BCL11B: variants seen among roughly 807,000 people sequenced by gnomAD.
The protein encoded by BCL11B is B-cell lymphoma/leukemia 11B.
BCL11B carries 8 observed loss-of-function variants against 49.9 expected under a neutral mutation model. That is an observed-to-expected ratio of 0.16 (90% CI 0.09 to 0.29). The LOEUF (loss-of-function observed/expected upper bound fraction) is 0.29. BCL11B is among the 10% of genes least tolerant of loss of function. The probability of loss-of-function intolerance (pLI) is 1.00; values close to 1 mark genes in which losing one functional copy is unlikely to be tolerated. For missense variants in BCL11B, 1,006 were observed against 1,351.0 expected, an observed-to-expected ratio of 0.74 and a Z score of 4.00; for synonymous variants, 739 against 637.4, an observed-to-expected ratio of 1.16 and a Z score of -2.40.
At chr14:99,187,646 T>G (rs1400785903) in intron 3 of BCL11B, among the ~76,000 whole-genome samples, 3 of 139,534 alleles carry the variant, frequency 2.2e-5, no homozygotes, top group Non-Finnish European at 4.6e-5. Flanking sequence ...AAAGAGGGAG[T>G]TAGGAGATAA....
rs149866762 is a variant in BCL11B at position 99,232,262 on chromosome 14, C to A, written c.428-705G>T. Among the ~76,000 whole-genome samples the A allele has an allele frequency of 6.6e-6, 1 of 152,206 alleles. No individual in the cohort carries two copies. Among genetic ancestry groups the A allele is most frequent in the African/African-American group, 2.4e-5 (1 of 41,470 alleles). Reference sequence around the variant, plus strand: ...TCTCGGCCTGGCTTGGGAGGCCTCCCGCCATGTGACAGCAAGGACACAGGG... The same window carrying A: ...TCTCGGCCTGGCTTGGGAGGCCTCCAGCCATGTGACAGCAAGGACACAGGG... On this transcript the variant is annotated intron_variant, in intron 2 of 3. Coordinates refer to ENST00000357195, the MANE Select transcript of BCL11B (RefSeq NM_138576.4). This position sits in a 1 kb window ranked among gnomAD's most constrained non-coding sequence, Gnocchi z 5.1.
In BCL11B at chr14:99,169,622, C is replaced by T. The variant is rs759330456; in HGVS notation, c.*4529G>A. The T allele has an allele frequency of 6.2e-5, 13 of 210,664 alleles. No individual in the cohort carries two copies. Among genetic ancestry groups the T allele is most frequent in the Non-Finnish European group, 9.7e-5 (10 of 103,550 alleles). 13.0% of individuals were successfully genotyped at this position (210,664 alleles called of 1,614,324 possible). A position where few individuals can be genotyped will look rare whatever the true frequency, so the allele number is the denominator to read the frequency against. On this transcript the variant is annotated 3_prime_UTR_variant, in exon 4 of 4. Transcript: ENST00000357195. ...TCCAAGTAAACAACAAAAGCTCATA[C>T]AATAAGTAATAGAAAAGGTAATAAA...
chr14:99,256,625 C>A (rs1244036477), intron 2 of BCL11B, among the ~76,000 whole-genome samples: 1 of 152,154 alleles, frequency 6.6e-6, no homozygotes, highest in African/African-American at 2.4e-5. Flanking sequence ...GCAGCGGCTC[C>A]CTGGAAGAGG....
chr14:99,271,603 C>G lies in BCL11B; in HGVS notation c.-385G>C, dbSNP rs1234742457. 2.0e-5 allele frequency: 4 copies of G among 197,962 alleles called. No individual in the cohort carries two copies. Among genetic ancestry groups the G allele is most frequent in the African/African-American group, 9.2e-5 (4 of 43,370 alleles). 12.3% of individuals were successfully genotyped at this position (197,962 alleles called of 1,614,324 possible). ...TTCGAAGGAAAAAAAATCTCTTACA[C>G]TTCTTCAAACTGCTTGGCCTCTTGC... On this transcript the variant is annotated 5_prime_UTR_variant, in exon 1 of 4. Coordinates refer to ENST00000357195, the MANE Select transcript of BCL11B (RefSeq NM_138576.4).
At position 99,211,635 on chromosome 14, in the gene BCL11B, C is replaced by T. The variant is rs140939141; in HGVS notation, c.640+19710G>A. On this transcript the variant is annotated intron_variant, in intron 3 of 3. Coordinates refer to ENST00000357195, the MANE Select transcript of BCL11B (RefSeq NM_138576.4). ...TGCACAAACACACGTGCACACACAC[C>T]CCCCTCCACCTGGTTCCTCGAGTCC... Among the ~76,000 whole-genome samples, 6 of 152,090 alleles carry T rather than the reference C, an allele frequency of 3.9e-5. No individual in the cohort carries two copies. In the South Asian group the frequency reaches 1.2e-3, roughly 32 times the overall value.
chr14:99,216,582 C>T (rs1887841244), intron 3 of BCL11B, among the ~76,000 whole-genome samples: 1 of 152,118 alleles, frequency 6.6e-6, no homozygotes. Context: ...CCAGGAGGTA[C>T]TAAGAAGGTG....
rs1049562872 is a variant in BCL11B at position 99,231,280 on chromosome 14, A to C, written c.640+65T>G. The C allele has an allele frequency of 4.8e-5, 74 of 1,536,544 alleles. No homozygotes were observed. In the African/African-American group the frequency reaches 9.7e-4, roughly 20 times the overall value. On this transcript the variant is annotated intron_variant, in intron 3 of 3. Transcript: ENST00000357195. The surrounding 1 kb of genome is among the most constrained non-coding windows in gnomAD (Gnocchi z 8.1). The stretch of plus-strand genomic sequence containing the variant: ...CCTCCCTGGGTCCCCACCTTGCTCC[A>C]GCGCTGCCCATGGCACACCCCGCCA...
intron 3 of BCL11B, among the ~76,000 whole-genome samples, chr14:99,189,881 A>AT (rs751935244): frequency 1.3e-4 from 20 of 152,180 alleles, no homozygotes; most frequent in Non-Finnish European, 2.8e-4. Flanking sequence ...GCACTAGGGA[A>AT]TTGAAGCCTA....
chr14:99,214,514 C>T (rs1035933062), intron 3 of BCL11B, among the ~76,000 whole-genome samples: 2 of 151,082 alleles, frequency 1.3e-5, no homozygotes, highest in Non-Finnish European at 2.9e-5. Context: ...GCTATGATCA[C>T]GCCACTGCAC....
intron 3 of BCL11B, among the ~76,000 whole-genome samples, chr14:99,180,488 C>A (rs547721175): frequency 6.6e-6 from 1 of 152,178 alleles, no homozygotes; most frequent in Non-Finnish European, 1.5e-5. Flanking sequence ...GTCATGAGAA[C>A]CCTGGACAAC....
chr14:99,175,770 T>G lies in BCL11B; in HGVS notation c.1066A>C (p.Ile356Leu). 6.8e-7 allele frequency: 1 copy of G among 1,469,470 alleles called. No individual in the cohort carries two copies. The highest frequency in any genetic ancestry group is 8.9e-7 in the Non-Finnish European group (1 of 1,123,714). 91.0% of individuals were successfully genotyped at this position (1,469,470 alleles called of 1,614,324 possible). A position where few individuals can be genotyped will look rare whatever the true frequency, so the allele number is the denominator to read the frequency against. Reference sequence around the variant, plus strand: ...GAGAAGTCCATGGCGGGCGAGTCGATGGCCATGGGGTTCAGGCGCATGACT... The same window carrying G: ...GAGAAGTCCATGGCGGGCGAGTCGAGGGCCATGGGGTTCAGGCGCATGACT... ...DRVMRLNPMA[I>L]DSPAMDFSRR... Residue 356 changes from isoleucine (I) to leucine (L), a missense_variant, in exon 4 of 4, where the codon ATC becomes CTC. Coordinates refer to ENST00000357195, the MANE Select transcript of BCL11B (RefSeq NM_138576.4).
At chr14:99,212,824 T>G (rs1243423538) in intron 3 of BCL11B, among the ~76,000 whole-genome samples, 1 of 152,172 alleles carries the variant, frequency 6.6e-6, no homozygotes, top group Non-Finnish European at 1.5e-5. Flanking sequence ...CCCAGGGCCA[T>G]GATGCTCTCC....
intron 3 of BCL11B, among the ~76,000 whole-genome samples, chr14:99,199,640 C>CTCTGTGTGTGTG (rs1168964373): frequency 1.4e-4 from 15 of 109,582 alleles, no homozygotes; most frequent in East Asian, 4.7e-4. Context: ...TGGCTAAATG[C>CTCTGTGTGTGTG]TGTGTGTGTG....
Position 99,174,994 on chromosome 14 carries a change from C to A in BCL11B, c.1842G>T (p.Leu614=). ...AGGCGCCGCGCTTCTGCTTGTCGGC[C>A]AGGAGCTCGCCGTACTGCGGCAGTG... ...LGALPQYGEL[L]ADKQKRGAFL... The change falls in exon 4 of 4, where the codon CTG becomes CTT. Residue 614 remains leucine, a synonymous_variant. Transcript: ENST00000357195. 1 of 1,581,716 alleles carries A rather than the reference C, an allele frequency of 6.3e-7. No homozygotes were observed. Among genetic ancestry groups the A allele is most frequent in the Non-Finnish European group, 8.5e-7 (1 of 1,170,928 alleles).
chr14:99,197,589 T>C (rs920698612), intron 3 of BCL11B, among the ~76,000 whole-genome samples: 6 of 152,114 alleles, frequency 3.9e-5, no homozygotes, highest in African/African-American at 1.4e-4. Context: ...GCCCTTGCTG[T>C]GGGGAGGAGG....
intron 3 of BCL11B, among the ~76,000 whole-genome samples, chr14:99,189,034 T>A (rs929349157): frequency 6.6e-6 from 1 of 152,244 alleles, no homozygotes; most frequent in Non-Finnish European, 1.5e-5. Context: ...TCAGAATATT[T>A]TAGCGCTTCC....
rs1887733027 is a variant in BCL11B at position 99,213,078 on chromosome 14, G to T, written c.640+18267C>A. On this transcript the variant is annotated intron_variant, in intron 3 of 3. Transcript: ENST00000357195. The surrounding 1 kb of genome is among the most constrained non-coding windows in gnomAD (Gnocchi z 5.1). ...GGGGAGAGGGGACCCTAGACCCTGT[G>T]CCAGTGCAGAGTGGGGGACCTACTG... Among the ~76,000 whole-genome samples, 1 of 152,200 alleles carries T rather than the reference G, an allele frequency of 6.6e-6. No homozygotes were observed. The highest frequency in any genetic ancestry group is 1.5e-5 in the Non-Finnish European group (1 of 68,020).
At chr14:99,227,309 A>T in intron 3 of BCL11B, among the ~76,000 whole-genome samples, 1 of 152,136 alleles carries the variant, frequency 6.6e-6, no homozygotes, top group Admixed American at 6.5e-5. Context: ...TGTTCTCAGC[A>T]CCTGGCCCGT....
intron 3 of BCL11B, among the ~76,000 whole-genome samples, chr14:99,225,917 T>C (rs4905807): frequency 0.32 from 48,056 of 151,186 alleles, 9,180 homozygotes; most frequent in Non-Finnish European, 0.44. Flanking sequence ...ACTGGGGGGC[T>C]TGCAGCTCTC....
Sources: gnomAD v4.1 joint callset for allele counts (sites outside exome capture counted in the v4.1 genomes callset) on GRCh38, gnomAD v4.1.1 for gene constraint, Gnocchi (gnomAD v3.1) non-coding constraint, MANE v1.5 for transcripts, NCBI Gene and HGNC (gene_info 2026-07-23, HGNC 2026-07-21) for gene names.